ZNF804B: variants seen among roughly 807,000 people sequenced by gnomAD.
The protein encoded by ZNF804B is zinc finger protein 804B, also known as zinc finger 804B.
Under a neutral mutation model 101.4 loss-of-function variants are expected in ZNF804B, and 80 were observed. The ratio of observed to expected loss-of-function variants is 0.79; its 90% CI spans 0.66 to 0.95. ZNF804B has a LOEUF of 0.95. ZNF804B is among the 40% of genes least tolerant of loss of function. The probability of loss-of-function intolerance (pLI) is 0.00; values close to 1 mark genes in which losing one functional copy is unlikely to be tolerated. For synonymous variants in ZNF804B, 622 were observed against 558.8 expected, an observed-to-expected ratio of 1.11 and a Z score of -1.59; for missense variants, 1,673 against 1,561.9, an observed-to-expected ratio of 1.07 and a Z score of -1.20.
chr7:88,984,291 A>G (rs772586454), intron 1 of ZNF804B, among the ~76,000 whole-genome samples: 1 of 152,060 alleles, frequency 6.6e-6, no homozygotes, highest in African/African-American at 2.4e-5. Flanking sequence ...TAACAAGACA[A>G]TCATTTCTTC....
At chr7:89,040,377 A>C (rs1788998174) in intron 1 of ZNF804B, among the ~76,000 whole-genome samples, 1 of 151,846 alleles carries the variant, frequency 6.6e-6, no homozygotes, top group Non-Finnish European at 1.5e-5. Context: ...ACTTGATTGA[A>C]TCTTGCTTCT....
intron 1 of ZNF804B, among the ~76,000 whole-genome samples, chr7:89,177,788 C>T (rs1791344215): frequency 6.6e-6 from 1 of 151,904 alleles, no homozygotes; most frequent in African/African-American, 2.4e-5. Flanking sequence ...GTGCGTTGCT[C>T]ACGCCTGTAA....
intron 1 of ZNF804B, among the ~76,000 whole-genome samples, chr7:89,049,096 T>C (rs1017540066): frequency 3.3e-5 from 5 of 150,464 alleles, no homozygotes; most frequent in African/African-American, 1.3e-4. Context: ...TGTCTATCAT[T>C]AACATATCAT....
At chr7:89,112,565 T>C (rs756003752) in intron 1 of ZNF804B, among the ~76,000 whole-genome samples, 1 of 152,212 alleles carries the variant, frequency 6.6e-6, no homozygotes, top group Non-Finnish European at 1.5e-5. Context: ...GTCTTCCAAC[T>C]TTCTTCTTTT....
At position 88,931,888 on chromosome 7, in the gene ZNF804B, A is replaced by G. The variant is rs73705593; in HGVS notation, c.108+171804A>G. 3.0e-3 allele frequency among the ~76,000 whole-genome samples: 453 copies of G among 152,030 alleles called. 4 individuals are homozygous for G. Among genetic ancestry groups the G allele is most frequent in the African/African-American group, 0.01 (432 of 41,528 alleles). The stretch of plus-strand genomic sequence containing the variant: ...AACTTGTTAATAAAAATACAAAATT[A>G]GACTGTGTAATTTAATGCTAGTACT... On this transcript the variant is annotated intron_variant, in intron 1 of 3. Transcript: ENST00000333190.
intron 2 of ZNF804B, among the ~76,000 whole-genome samples, chr7:89,269,677 C>G (rs984721131): frequency 4.6e-5 from 7 of 152,166 alleles, no homozygotes; most frequent in African/African-American, 1.7e-4. Context: ...TACAGTCCCA[C>G]CAATAGTGTA....
chr7:88,959,403 T>C (rs76554231), intron 1 of ZNF804B, among the ~76,000 whole-genome samples: 14,861 of 151,476 alleles, frequency 0.098, 928 homozygotes, highest in South Asian at 0.17. Context: ...ATTAAAACTT[T>C]CTTAGACTAG....
chr7:88,760,015 C>T lies in ZNF804B; in HGVS notation c.39C>T (p.Ser13=). 6.2e-7 allele frequency: 1 copy of T among 1,614,234 alleles called. No homozygotes were observed. The highest frequency in any genetic ancestry group is 8.5e-7 in the Non-Finnish European group (1 of 1,180,038). Residue 13 remains serine, a synonymous_variant, in exon 1 of 4, where the codon AGC becomes AGT. Coordinates refer to ENST00000333190, the MANE Select transcript of ZNF804B (RefSeq NM_181646.5). ...CYLVISSRHL[S]NGHYRGIKGV... is the part of the protein sequence containing the mutation. The stretch of plus-strand genomic sequence containing the variant: ...TGGTCATCAGTTCGAGACATCTCAG[C>T]AATGGGCACTACCGGGGCATTAAAG...
intron 1 of ZNF804B, among the ~76,000 whole-genome samples, chr7:89,208,751 G>A (rs1457112853): frequency 2.0e-5 from 3 of 152,152 alleles, no homozygotes; most frequent in African/African-American, 7.2e-5. Context: ...GGTGGCTCAC[G>A]CCTGTAATCC....
rs558069648 is a variant in ZNF804B, at chr7:89,293,150, A to AT, written c.250-34188dup. 2.3e-3 allele frequency among the ~76,000 whole-genome samples: 352 copies of AT among 151,584 alleles called. 2 individuals carry two copies. The highest frequency in any genetic ancestry group is 8.2e-3 in the African/African-American group (339 of 41,308). Reference sequence around the variant, plus strand: ...TTTAATGATTTGGAAGTTATATATCATTTTTTCTATTCATTCTACAGTTAC... The same window carrying AT: ...TTTAATGATTTGGAAGTTATATATCATTTTTTTCTATTCATTCTACAGTTAC... On this transcript the variant is annotated intron_variant, in intron 2 of 3. Coordinates refer to ENST00000333190, the MANE Select transcript of ZNF804B (RefSeq NM_181646.5).
At chr7:89,223,541 ATATATT>A (rs1789036377) in intron 2 of ZNF804B, among the ~76,000 whole-genome samples, 1 of 151,796 alleles carries the variant, frequency 6.6e-6, no homozygotes, top group Non-Finnish European at 1.5e-5. Context: ...TATGTGATAC[ATATATT>A]TAAATGAATT....
At chr7:88,921,692 C>T (rs1792721900) in intron 1 of ZNF804B, among the ~76,000 whole-genome samples, 1 of 151,954 alleles carries the variant, frequency 6.6e-6, no homozygotes, top group Admixed American at 6.6e-5. Context: ...CTAGGTTAAC[C>T]TGCTTTCTTT....
chr7:89,324,281 A>T (rs547348595), intron 2 of ZNF804B, among the ~76,000 whole-genome samples: 10 of 151,998 alleles, frequency 6.6e-5, no homozygotes, highest in African/African-American at 2.4e-4. Flanking sequence ...ATTATGAAGA[A>T]ACCTTTCTTA....
chr7:89,171,282 G>GCTTCTTCTTCTTCTT (rs1491140157), intron 1 of ZNF804B, among the ~76,000 whole-genome samples: 3 of 95,560 alleles, frequency 3.1e-5, no homozygotes, highest in African/African-American at 9.1e-5. Flanking sequence ...AAATAATGCT[G>GCTTCTTCTTCTTCTT]CTGCTGCTTC....
At position 88,831,443 on chromosome 7, in the gene ZNF804B, C is replaced by T. The variant is rs76566807; in HGVS notation, c.108+71359C>T. 1.8e-3 allele frequency among the ~76,000 whole-genome samples: 280 copies of T among 151,828 alleles called. 6 individuals are homozygous for T. In the East Asian group the frequency reaches 0.037, roughly 20 times the overall value. On this transcript the variant is annotated intron_variant, in intron 1 of 3. Transcript: ENST00000333190. ...TTGTTTCCAAATTTAACCTTATAAA[C>T]GATGCATTTGATTAAGTTATGACTA...
At chr7:89,027,635 A>G (rs918990455) in intron 1 of ZNF804B, among the ~76,000 whole-genome samples, 1 of 152,212 alleles carries the variant, frequency 6.6e-6, no homozygotes, top group Non-Finnish European at 1.5e-5. Context: ...CATTATGTAT[A>G]GGAAGAGAGA....
At chr7:88,851,134 G>A (rs1791446000) in intron 1 of ZNF804B, among the ~76,000 whole-genome samples, 1 of 152,098 alleles carries the variant, frequency 6.6e-6, no homozygotes, top group Admixed American at 6.6e-5. Flanking sequence ...AAAATGAGTA[G>A]ATTGTTGGTG....
intron 1 of ZNF804B, among the ~76,000 whole-genome samples, chr7:88,878,586 T>A (rs1583993420): frequency 6.6e-6 from 1 of 152,114 alleles, no homozygotes; most frequent in African/African-American, 2.4e-5. Context: ...AAATAAAAAC[T>A]AGATTTCTTT....
intron 1 of ZNF804B, among the ~76,000 whole-genome samples, chr7:88,919,214 TTGA>T (rs1792683556): frequency 6.6e-6 from 1 of 152,150 alleles, no homozygotes; most frequent in South Asian, 2.1e-4. Flanking sequence ...ATGTAAACCA[TTGA>T]TGATGCCTTA....
Sources: allele counts gnomAD v4.1 joint callset (sites outside exome capture counted in the v4.1 genomes callset), GRCh38; gene constraint gnomAD v4.1.1; transcripts MANE v1.5; gene names NCBI Gene and HGNC (gene_info 2026-07-23, HGNC 2026-07-21).